MACROD2: variants seen among roughly 807,000 people sequenced by gnomAD.
MACROD2 encodes the protein ADP-ribose glycohydrolase MACROD2.
Under a neutral mutation model 70.4 loss-of-function variants are expected in MACROD2, and 36 were observed. The observed-to-expected ratio is 0.51, with a 90% CI of 0.39 to 0.68. The LOEUF (loss-of-function observed/expected upper bound fraction) is 0.68. Among genes scored for constraint, MACROD2 ranks in the 30% least tolerant of loss-of-function variants. MACROD2 has a pLI of 0.00. For synonymous variants in MACROD2, 172 were observed against 178.8 expected (o/e 0.96, Z 0.30); for missense variants, 496 against 538.4 (o/e 0.92, Z 0.78).
At chr20:15,632,187 AAATAAAAATAAAG>A (rs2049301469) in intron 8 of MACROD2, among the ~76,000 whole-genome samples, 5 of 151,514 alleles carry the variant, frequency 3.3e-5, no homozygotes, top group Admixed American at 2.6e-4. Context: ...AAATAAATAA[AAATAAAAATAAAG>A]AATAAAAATA....
At chr20:14,418,915 A>G (rs2083841908) in intron 3 of MACROD2, among the ~76,000 whole-genome samples, 1 of 152,110 alleles carries the variant, frequency 6.6e-6, no homozygotes, top group East Asian at 1.9e-4. Context: ...CATGTTTCCA[A>G]AAGGAGTTCT....
At chr20:15,518,023 C>T (rs2047594931) in intron 8 of MACROD2, among the ~76,000 whole-genome samples, 1 of 152,252 alleles carries the variant, frequency 6.6e-6, no homozygotes, top group South Asian at 2.1e-4. Flanking sequence ...TGGCAACAGA[C>T]ATTCTTTTCA....
At chr20:15,662,900 T>C (rs185112668) in intron 8 of MACROD2, among the ~76,000 whole-genome samples, 62 of 152,332 alleles carry the variant, frequency 4.1e-4, no homozygotes, top group African/African-American at 1.2e-3. Context: ...AAATGCTACT[T>C]GTTCTCTTTT....
At chr20:14,360,825 G>T (rs2083214081) in intron 3 of MACROD2, among the ~76,000 whole-genome samples, 1 of 152,130 alleles carries the variant, frequency 6.6e-6, no homozygotes, top group Non-Finnish European at 1.5e-5. Context: ...ATACAGGTGT[G>T]TCAAATGTTT....
At chr20:14,764,007 C>A (rs2072051999) in intron 5 of MACROD2, among the ~76,000 whole-genome samples, 1 of 151,996 alleles carries the variant, frequency 6.6e-6, no homozygotes, top group South Asian at 2.1e-4. Context: ...TTGCCTTATC[C>A]CACATGCATA....
chr20:14,040,441 A>G (rs528513846), intron 2 of MACROD2, among the ~76,000 whole-genome samples: 5 of 152,186 alleles, frequency 3.3e-5, no homozygotes, highest in Admixed American at 2.0e-4. Flanking sequence ...TTTTTGGGGA[A>G]GAGGTATTGT....
At chr20:15,485,928 G>A (rs1418323974) in intron 7 of MACROD2, among the ~76,000 whole-genome samples, 2 of 152,084 alleles carry the variant, frequency 1.3e-5, no homozygotes, top group African/African-American at 4.8e-5. Flanking sequence ...AATCGCAGTC[G>A]ATTACTCAGG....
intron 8 of MACROD2, among the ~76,000 whole-genome samples, chr20:15,719,551 A>T (rs2050756197): frequency 6.6e-6 from 1 of 152,250 alleles, no homozygotes; most frequent in Non-Finnish European, 1.5e-5. Flanking sequence ...AGCTTCAATG[A>T]AATGACCCAC....
chr20:14,611,421 C>G (rs1983150105), intron 4 of MACROD2, among the ~76,000 whole-genome samples: 1 of 143,604 alleles, frequency 7.0e-6, no homozygotes, highest in South Asian at 2.2e-4. Context: ...GGGTCTTCCT[C>G]ATTATGTTCA....
chr20:15,533,445 C>T lies in MACROD2; in HGVS notation c.645+33598C>T, dbSNP rs906713421. Among the ~76,000 whole-genome samples, 9 of 152,108 alleles carry T rather than the reference C, an allele frequency of 5.9e-5. No individual in the cohort carries two copies. The South Asian group carries it at 6.2e-4, about 11-fold the overall frequency. The stretch of plus-strand genomic sequence containing the variant: ...CATGTAATTTTTCCCATTTGTATTA[C>T]GGGGTACTTTAAGTGTAGTTGTAAT... On this transcript the variant is annotated intron_variant, in intron 8 of 17. Transcript: ENST00000684519.
In MACROD2 at chr20:14,275,141, A is replaced by G. The variant is rs186003535; in HGVS notation, c.271+189413A>G. On this transcript the variant is annotated intron_variant, in intron 3 of 17. Transcript: ENST00000684519. ...ATTGGAAAAAACTACTTTAAACTTC[A>G]TATGGAACCAAAAAAGAGCCCGCAT... Among the ~76,000 whole-genome samples the G allele has an allele frequency of 3.5e-3, 537 of 152,050 alleles. 3 individuals carry two copies. The highest frequency in any genetic ancestry group is 0.012 in the African/African-American group (510 of 41,558).
chr20:15,723,931 C>G (rs1360496798), intron 8 of MACROD2, among the ~76,000 whole-genome samples: 1 of 152,214 alleles, frequency 6.6e-6, no homozygotes, highest in African/African-American at 2.4e-5. Context: ...TTCTGTTGCT[C>G]CACATCCTTA....
At chr20:14,851,875 A>T (rs2122316577) in intron 5 of MACROD2, among the ~76,000 whole-genome samples, 1 of 152,312 alleles carries the variant, frequency 6.6e-6, no homozygotes, top group Middle Eastern at 3.4e-3. Context: ...CCCACGCTGT[A>T]TACCAGCCAT....
chr20:15,317,482 AATCT>A (rs57469228), intron 6 of MACROD2, among the ~76,000 whole-genome samples: 6,335 of 145,822 alleles, frequency 0.043, 144 homozygotes, highest in South Asian at 0.06. Context: ...CCATCCATCT[AATCT>A]ATCTATCTAT....
intron 5 of MACROD2, among the ~76,000 whole-genome samples, chr20:14,962,255 CT>C (rs1162255372): frequency 6.6e-6 from 1 of 152,034 alleles, no homozygotes; most frequent in African/African-American, 2.4e-5. Context: ...TGACTTGGCA[CT>C]TTTGAAGAGT....
Position 15,361,411 on chromosome 20 carries a change from G to A in MACROD2, c.541-69994G>A, listed in dbSNP as rs552670151. 3.7e-4 allele frequency among the ~76,000 whole-genome samples: 56 copies of A among 152,228 alleles called. 1 individual carries two copies. The South Asian group carries it at 0.011, about 31-fold the overall frequency. On this transcript the variant is annotated intron_variant, in intron 6 of 17. Transcript: ENST00000684519. ...GATCTACTTTTGGGTTCACTATTAC[G>A]ATGTATTGATCTTGTGTCAGCCCCT...
chr20:15,827,188 AGTACTTCAGTGAATGTCACTT>A (rs2064006222), intron 8 of MACROD2, among the ~76,000 whole-genome samples: 1 of 152,202 alleles, frequency 6.6e-6, no homozygotes, highest in Admixed American at 6.5e-5. Flanking sequence ...AAACTATGGT[AGTACTTCAGTGAATGTCACTT>A]GACTGCAGAC....
intron 3 of MACROD2, among the ~76,000 whole-genome samples, chr20:14,244,821 T>A (rs1233045258): frequency 6.6e-6 from 1 of 152,186 alleles, no homozygotes; most frequent in Non-Finnish European, 1.5e-5. Flanking sequence ...TCAGTAAACA[T>A]GAAATAACCC....
At chr20:14,015,767 A>C (rs2052980751) in intron 2 of MACROD2, among the ~76,000 whole-genome samples, 2 of 152,204 alleles carry the variant, frequency 1.3e-5, no homozygotes, top group African/African-American at 4.8e-5. Context: ...ACTTAGCATA[A>C]TGCTTTCTGG....
Sources: gnomAD v4.1 joint callset for allele counts (sites outside exome capture counted in the v4.1 genomes callset) on GRCh38, gnomAD v4.1.1 for gene constraint, MANE v1.5 for transcripts, NCBI Gene and HGNC (gene_info 2026-07-23, HGNC 2026-07-21) for gene names.